ADAMTSL1: variants seen among roughly 807,000 people sequenced by gnomAD.
ADAMTSL1 encodes the protein ADAMTS-like protein 1.
ADAMTSL1 carries 126 observed loss-of-function variants against 201.8 expected under a neutral mutation model. The observed-to-expected ratio is 0.62, with a 90% CI of 0.54 to 0.72. The LOEUF (loss-of-function observed/expected upper bound fraction) is 0.72, where lower values mean the gene tolerates loss of function less well. Among genes scored for constraint, ADAMTSL1 ranks in the 30% least tolerant of loss-of-function variants. The probability of loss-of-function intolerance (pLI) is 0.00; values close to 1 mark genes in which losing one functional copy is unlikely to be tolerated. For synonymous variants in ADAMTSL1, 1,121 were observed against 903.4 expected, an observed-to-expected ratio of 1.24 and a Z score of -4.32; for missense variants, 2,679 against 2,277.8, an observed-to-expected ratio of 1.18 and a Z score of -3.59.
chr9:18,013,768 A>C (rs1820146666), intron 1 of ADAMTSL1, among the ~76,000 whole-genome samples: 1 of 152,046 alleles, frequency 6.6e-6, no homozygotes, highest in South Asian at 2.1e-4. Flanking sequence ...TTGGAAGGTA[A>C]GCATTTAATT....
chr9:18,016,653 A>G (rs1442530113), intron 1 of ADAMTSL1, among the ~76,000 whole-genome samples: 1 of 152,092 alleles, frequency 6.6e-6, no homozygotes, highest in Non-Finnish European at 1.5e-5. Context: ...GTCCAGAAGA[A>G]AGAGACTCAG....
At chr9:18,315,371 G>C (rs900806779) in intron 2 of ADAMTSL1, among the ~76,000 whole-genome samples, 1 of 152,120 alleles carries the variant, frequency 6.6e-6, no homozygotes, top group Non-Finnish European at 1.5e-5. Context: ...CCCATGCCAG[G>C]CGCCTGTACT....
chr9:18,533,640 C>T (rs547014173), intron 3 of ADAMTSL1, among the ~76,000 whole-genome samples: 1 of 152,156 alleles, frequency 6.6e-6, no homozygotes, highest in Non-Finnish European at 1.5e-5. Flanking sequence ...GTAAATCAAA[C>T]TCAGATTTGA....
chr9:18,665,351 T>G (rs1829367497), intron 9 of ADAMTSL1, among the ~76,000 whole-genome samples: 1 of 152,110 alleles, frequency 6.6e-6, no homozygotes, highest in East Asian at 1.9e-4. Flanking sequence ...ATCATAAATA[T>G]CATCAGTATT....
rs141546374 is a variant in ADAMTSL1 at position 18,870,602 on chromosome 9, C to G, written c.4250-17229C>G. The stretch of plus-strand genomic sequence containing the variant: ...ACATGCTGTCTTAACAGCCCCCAGA[C>G]TCTGACCTCTGAAATCACAAGCCAA... On this transcript the variant is annotated intron_variant, in intron 23 of 28. Coordinates refer to ENST00000380548, the MANE Select transcript of ADAMTSL1 (RefSeq NM_001040272.6). Among the ~76,000 whole-genome samples the G allele has an allele frequency of 2.6e-5, 4 of 152,250 alleles. No individual in the cohort carries two copies. The South Asian group carries it at 8.3e-4, about 32-fold the overall frequency.
At chr9:18,451,567 A>G (rs76608477) in intron 2 of ADAMTSL1, among the ~76,000 whole-genome samples, 12,082 of 152,296 alleles carry the variant, frequency 0.079, 652 homozygotes, top group Non-Finnish European at 0.12. Context: ...TTACTCAACC[A>G]GCTCTTGTGT....
At chr9:18,204,985 T>A (rs1319998936) in intron 2 of ADAMTSL1, among the ~76,000 whole-genome samples, 5 of 152,180 alleles carry the variant, frequency 3.3e-5, no homozygotes, top group Admixed American at 2.0e-4. Context: ...ATGCCACCAG[T>A]GCTATCATAC....
At chr9:18,791,398 A>G (rs992651295) in intron 19 of ADAMTSL1, among the ~76,000 whole-genome samples, 1 of 152,188 alleles carries the variant, frequency 6.6e-6, no homozygotes, top group Non-Finnish European at 1.5e-5. Context: ...TTTAAGAGAG[A>G]GGGAAATAAC....
intron 19 of ADAMTSL1, among the ~76,000 whole-genome samples, chr9:18,794,650 T>C (rs1333225324): frequency 6.6e-6 from 1 of 151,822 alleles, no homozygotes; most frequent in Admixed American, 6.6e-5. Flanking sequence ...TTGTTGTTTT[T>C]TGAGACAGAG....
chr9:18,054,487 A>G (rs541572046), intron 1 of ADAMTSL1, among the ~76,000 whole-genome samples: 8 of 152,322 alleles, frequency 5.3e-5, no homozygotes, highest in Admixed American at 2.0e-4. Flanking sequence ...ATTATTCTGT[A>G]TATAGGTCTG....
At chr9:18,088,096 A>G (rs887320507) in intron 1 of ADAMTSL1, among the ~76,000 whole-genome samples, 1 of 152,214 alleles carries the variant, frequency 6.6e-6, no homozygotes, top group African/African-American at 2.4e-5. Context: ...AGAATTACAT[A>G]CATACAGGGT....
At chr9:18,506,998 C>A (rs557044599) in intron 2 of ADAMTSL1, among the ~76,000 whole-genome samples, 1 of 152,174 alleles carries the variant, frequency 6.6e-6, no homozygotes, top group Non-Finnish European at 1.5e-5. Flanking sequence ...AAATTCTAGT[C>A]ATTCTTTAGC....
chr9:18,631,065 A>G (rs1405463598), intron 5 of ADAMTSL1, among the ~76,000 whole-genome samples: 3 of 152,250 alleles, frequency 2.0e-5, no homozygotes, highest in African/African-American at 7.2e-5. Flanking sequence ...GAGAGGGAAT[A>G]TAAGATACTA....
chr9:18,632,781 T>C (rs1826858427), intron 5 of ADAMTSL1, among the ~76,000 whole-genome samples: 1 of 152,194 alleles, frequency 6.6e-6, no homozygotes, highest in African/African-American at 2.4e-5. Context: ...GCTGTGGCTC[T>C]TCCTACTTCT....
intron 2 of ADAMTSL1, among the ~76,000 whole-genome samples, chr9:18,197,220 G>T (rs916641253): frequency 6.6e-6 from 1 of 152,080 alleles, no homozygotes; most frequent in Non-Finnish European, 1.5e-5. Flanking sequence ...GTGAAGAAAG[G>T]CATTGGTAGC....
At chr9:18,636,124 C>T (rs1217812057) in intron 6 of ADAMTSL1, 107 bp downstream of exon 6, 5 of 940,520 alleles carry the variant, frequency 5.3e-6, no homozygotes, top group Non-Finnish European at 7.8e-6. Context: ...TCTTTCTACT[C>T]TATCATAATA....
chr9:17,988,927 A>G (rs533629659), intron 1 of ADAMTSL1, among the ~76,000 whole-genome samples: 10 of 151,724 alleles, frequency 6.6e-5, no homozygotes, highest in East Asian at 3.9e-4. Context: ...TTTTCCCCCA[A>G]TTGCTCTCCC....
chr9:18,318,328 G>C (rs758497771), intron 2 of ADAMTSL1, among the ~76,000 whole-genome samples: 1 of 152,062 alleles, frequency 6.6e-6, no homozygotes, highest in Non-Finnish European at 1.5e-5. Context: ...TTAGACTAAT[G>C]GTTTTCAAAC....
At chr9:18,032,046 C>A (rs543738460) in intron 1 of ADAMTSL1, among the ~76,000 whole-genome samples, 1 of 152,200 alleles carries the variant, frequency 6.6e-6, no homozygotes, top group Admixed American at 6.5e-5. Flanking sequence ...TCCCTAGGAG[C>A]AGGCCCGCCC....
Sources: allele counts gnomAD v4.1 joint callset (sites outside exome capture counted in the v4.1 genomes callset), GRCh38; gene constraint gnomAD v4.1.1; transcripts MANE v1.5; gene names NCBI Gene and HGNC (gene_info 2026-07-23, HGNC 2026-07-21).